Variants in CAPN10 observed in about 807,000 individuals in gnomAD.
CAPN10 encodes calpain 10, also known as calpain-10.
A neutral mutation model predicts 78.4 loss-of-function variants in CAPN10; 71 were observed. The observed-to-expected ratio is 0.91, with a 90% CI of 0.75 to 1.10. CAPN10 has a LOEUF of 1.10. Ranked by LOEUF, CAPN10 falls within the 50% of genes least tolerant of loss-of-function variation. CAPN10 has a pLI of 0.00. For synonymous variants in CAPN10, 437 were observed against 407.2 expected (o/e 1.07, Z -0.88); for missense variants, 849 against 924.6 (o/e 0.92, Z 1.06).
Position 240,598,811 on chromosome 2 carries a change from GA to G in CAPN10, c.*132del, listed in dbSNP as rs1032883853. ...TTGGCCTGCCTCCCAGCCCTGCCAGGAGGCTGCGGCCTAGGGGTCCACGGGA... is the reference window on the plus strand; with the variant it reads ...TTGGCCTGCCTCCCAGCCCTGCCAGGGGCTGCGGCCTAGGGGTCCACGGGA... On this transcript the variant is annotated 3_prime_UTR_variant, in exon 12 of 12. Transcript: ENST00000391984. The G allele has an allele frequency of 2.4e-5, 22 of 908,164 alleles. No homozygotes were observed. The African/African-American group carries it at 3.6e-4, about 15-fold the overall frequency. The allele number at this position is 908,164 out of a possible 1,614,324, so 56.3% of individuals were successfully genotyped here. A position where few individuals can be genotyped will look rare whatever the true frequency, so the allele number is the denominator to read the frequency against.
In CAPN10 at chr2:240,594,671, C is replaced by T. The variant is rs140681762; in HGVS notation, c.959C>T (p.Pro320Leu). The change falls in exon 6 of 12, where the codon CCG becomes CTG. Residue 320 changes from proline (P) to leucine (L), a missense_variant. Pro to Leu is a moderately conservative substitution (Grantham distance 98). Transcript: ENST00000391984. ...TTTGACGAGCTCACCGTTGGCTACCCGGTCACGGAGGCCGGCCACCTGCAG... is the reference window on the plus strand; with the variant it reads ...TTTGACGAGCTCACCGTTGGCTACCTGGTCACGGAGGCCGGCCACCTGCAG... ...REFDELTVGY[P>L]VTEAGHLQSL... The T allele has an allele frequency of 2.4e-3, 3,892 of 1,613,734 alleles. 6 individuals are homozygous for T. The highest frequency in any genetic ancestry group is 3.1e-3 in the Non-Finnish European group (3,612 of 1,179,986).
rs2093119035 is a variant in CAPN10 at position 240,593,932 on chromosome 2, G to A, written c.715G>A (p.Ala239Thr). The change falls in exon 5 of 12, where the codon GCC becomes ACC. Residue 239 changes from alanine (A) to threonine (T), a missense_variant. Ala to Thr is a moderately conservative substitution (Grantham distance 58). Transcript: ENST00000391984. ...TGCCCGGGAGCTGGGGGAGTTCCAT[G>A]CCTTCATTGTCTCGGACCTGCGGGA... Reference protein sequence around the residue: ...AGARELGEFHAFIVSDLRELQ... With the variant: ...AGARELGEFHTFIVSDLRELQ... 12 of 1,606,282 alleles carry A rather than the reference G, an allele frequency of 7.5e-6. No homozygotes were observed. The highest frequency in any genetic ancestry group is 1.0e-5 in the Non-Finnish European group (12 of 1,174,480).
At chr2:240,590,657 T>G in intron 2 of CAPN10, 158 bp from the exon 3 acceptor site, 1 of 608,898 alleles carries the variant, frequency 1.6e-6, no homozygotes, top group South Asian at 2.0e-5. Context: ...AGGTGTGCCG[T>G]AGAGTTCTCT....
rs762746164 is a variant in CAPN10 at position 240,596,758 on chromosome 2, G to T, written c.1559G>T (p.Arg520Leu). The change falls in exon 9 of 12, where the codon CGG (arginine) becomes CTG (leucine). Residue 520 changes from arginine (R) to leucine (L), a missense_variant. Transcript: ENST00000391984. ...GGGGAGTGGGGGACCGTGCAGCTAC[G>T]GGGTTCTTGGAGAGTCGGCCAGACG... ...PAGEWGTVQL[R>L]GSWRVGQTAG... is the part of the protein sequence containing the mutation. 6.2e-7 allele frequency: 1 copy of T among 1,610,190 alleles called. No individual in the cohort carries two copies. The highest frequency in any genetic ancestry group is 2.2e-5 in the East Asian group (1 of 44,862).
chr2:240,592,741 C>T (rs775154175), intron 4 of CAPN10: 23 of 309,102 alleles, frequency 7.4e-5, no homozygotes. Context: ...TTACGTGTTC[C>T]CTTCCGCACC....
Position 240,593,980 on chromosome 2 carries a change from T to A in CAPN10, c.763T>A (p.Cys255Ser). Residue 255 changes from cysteine to serine, a missense_variant, in exon 5 of 12, where the codon TGC becomes AGC. By Grantham distance (112) the Cys-to-Ser change is moderately radical. Coordinates refer to ENST00000391984, the MANE Select transcript of CAPN10 (RefSeq NM_023083.4). ...LRELQGQAGQ[C>S]ILLLRIQNPW... ...GGAGCTCCAGGGTCAGGCGGGCCAG[T>A]GCATCCTGCTGCTGCGGATCCAGAA... The A allele has an allele frequency of 6.2e-7, 1 of 1,611,632 alleles. No individual in the cohort carries two copies. Among genetic ancestry groups the A allele is most frequent in the Non-Finnish European group, 8.5e-7 (1 of 1,178,522 alleles).
chr2:240,588,255 C>T (rs756955425), intron 1 of CAPN10, among the ~76,000 whole-genome samples: 2 of 151,510 alleles, frequency 1.3e-5, no homozygotes, highest in East Asian at 1.9e-4. Context: ...CAGGTGGATA[C>T]GGAGCAGGGA....
rs1575453580 is a variant in CAPN10, at chr2:240,598,185, T to G, written c.1943+98T>G. On this transcript the variant is annotated intron_variant, in intron 10 of 11. Coordinates refer to ENST00000391984, the MANE Select transcript of CAPN10 (RefSeq NM_023083.4). ...CACGTCTCCTGCCTGCCCCTCACCC[T>G]CAAGCCCCTATCTGTCCTGGCAGAC... The G allele has an allele frequency of 5.9e-6, 8 of 1,348,980 alleles. No individual in the cohort carries two copies. In the African/African-American group the frequency reaches 7.5e-5, roughly 13 times the overall value. The allele number at this position is 1,348,980 out of a possible 1,614,324, so 83.6% of individuals were successfully genotyped here.
intron 4 of CAPN10, chr2:240,592,775 G>A (rs1268746808): frequency 1.7e-5 from 4 of 240,044 alleles, no homozygotes; most frequent in South Asian, 9.3e-5. Flanking sequence ...CCACACACGC[G>A]CTGTCAAATG....
chr2:240,591,908 C>T (rs759693720), intron 3 of CAPN10, 25 bp from the exon 4 acceptor site: 1 of 1,597,410 alleles, frequency 6.3e-7, no homozygotes, highest in Non-Finnish European at 8.6e-7. Flanking sequence ...CAGAGGCTCA[C>T]TCCCATGGTG....
chr2:240,594,357 G>A (rs1053363938), intron 5 of CAPN10, 186 bp from the exon 6 acceptor site: 30 of 675,958 alleles, frequency 4.4e-5, no homozygotes, highest in Non-Finnish European at 6.4e-5. Context: ...CAGGGTGGCC[G>A]CTGCCCAGAA....
At chr2:240,596,271 C>G (rs2125464852) in intron 7 of CAPN10, 48 bp from the exon 8 acceptor site, 1 of 1,552,128 alleles carries the variant, frequency 6.4e-7, no homozygotes, top group Non-Finnish European at 8.7e-7. Context: ...GCCAGGGCGT[C>G]TGACCCCGGC....
At chr2:240,593,616 G>T (rs2093116989) in intron 4 of CAPN10, among the ~76,000 whole-genome samples, 1 of 152,248 alleles carries the variant, frequency 6.6e-6, no homozygotes, top group African/African-American at 2.4e-5. Context: ...GCACAGATGG[G>T]TACGGACGAT....
intron 9 of CAPN10, among the ~76,000 whole-genome samples, chr2:240,597,627 G>A (rs1251337100): frequency 6.6e-6 from 1 of 152,174 alleles, no homozygotes; most frequent in Non-Finnish European, 1.5e-5. Context: ...GGAGCCCTTG[G>A]GGCGGGCTGG....
intron 7 of CAPN10, chr2:240,596,031 C>T (rs993314607): frequency 2.8e-5 from 42 of 1,495,284 alleles, no homozygotes; most frequent in African/African-American, 4.2e-5. Flanking sequence ...GGAAGGCCCA[C>T]TGTCCAGCAG....
At position 240,595,161 on chromosome 2, in the gene CAPN10, A is replaced by C; in HGVS notation, c.1135A>C (p.Ile379Leu). The C allele has an allele frequency of 6.2e-7, 1 of 1,613,846 alleles. No homozygotes were observed. Among genetic ancestry groups the C allele is most frequent in the Non-Finnish European group, 8.5e-7 (1 of 1,180,006 alleles). The change falls in exon 7 of 12, where the codon ATT (isoleucine) becomes CTT (leucine). Residue 379 changes from isoleucine (I) to leucine (L), a missense_variant. Ile to Leu is a conservative substitution (Grantham distance 5). Transcript: ENST00000391984. ...GGTCTCAGAACCGAGTGAGGTGTAC[A>C]TTGCCGTCCTGCAGAGATCCAGGCT... Reference protein sequence around the residue: ...LRVSEPSEVYIAVLQRSRLHA... With the variant: ...LRVSEPSEVYLAVLQRSRLHA...
Position 240,598,014 on chromosome 2 carries a change from A to G in CAPN10, c.1870A>G (p.Lys624Glu), listed in dbSNP as rs771095340. The G allele has an allele frequency of 1.9e-6, 3 of 1,613,076 alleles. No individual in the cohort carries two copies. The highest frequency in any genetic ancestry group is 1.1e-5 in the South Asian group (1 of 91,066). The change falls in exon 10 of 12, where the codon AAG (lysine) becomes GAG (glutamate). Residue 624 changes from lysine (K) to glutamate (E), a missense_variant. Transcript: ENST00000391984. ...RLCLLPAGTY[K>E]VVPSTYLPDT... ...CTGCCTCCTGCCTGCGGGCACCTAC[A>G]AGGTTGTGCCCTCCACCTACCTGCC...
intron 4 of CAPN10, among the ~76,000 whole-genome samples, chr2:240,593,435 G>A (rs1289362987): frequency 6.6e-6 from 1 of 152,256 alleles, no homozygotes; most frequent in Non-Finnish European, 1.5e-5. Flanking sequence ...CTGGCCAGGT[G>A]GAGCTGTTGC....
chr2:240,596,390 A>G lies in CAPN10; in HGVS notation c.1350A>G (p.Ala450=), dbSNP rs918695213. ...MPPVAGTACH[A]YDREVHLRCE... ...CCGTGGCTGGCACCGCGTGCCATGC[A>G]TACGACCGGGAGGTCCACCTGCGTT... The change falls in exon 8 of 12, where the codon GCA becomes GCG. Residue 450 remains alanine, a synonymous_variant. Coordinates refer to ENST00000391984, the MANE Select transcript of CAPN10 (RefSeq NM_023083.4). 1 of 1,613,368 alleles carries G rather than the reference A, an allele frequency of 6.2e-7. No individual in the cohort carries two copies. Among genetic ancestry groups the G allele is most frequent in the African/African-American group, 1.3e-5 (1 of 75,054 alleles).
Sources: gnomAD v4.1 joint callset for allele counts (sites outside exome capture counted in the v4.1 genomes callset) on GRCh38, gnomAD v4.1.1 for gene constraint, MANE v1.5 for transcripts, NCBI Gene and HGNC (gene_info 2026-07-23, HGNC 2026-07-21) for gene names.